Variants in LRP1B observed in about 807,000 individuals in gnomAD.
LRP1B encodes LDL receptor related protein 1B.
In LRP1B, 217 loss-of-function variants were observed where a neutral mutation model predicts 556.6. The ratio of observed to expected loss-of-function variants is 0.39; its 90% CI spans 0.35 to 0.44. The LOEUF is 0.44. Ranked by LOEUF, LRP1B falls within the 20% of genes least tolerant of loss-of-function variation. The pLI is 1.00. For missense variants in LRP1B, 5,053 were observed against 5,620.8 expected (o/e 0.90, Z 3.23); for synonymous variants, 2,047 against 1,865.8 (o/e 1.10, Z -2.50).
chr2:140,637,686 C>T (rs540602670), intron 41 of LRP1B, among the ~76,000 whole-genome samples: 9 of 152,214 alleles, frequency 5.9e-5, no homozygotes, highest in Middle Eastern at 3.4e-3. Flanking sequence ...GACACCAGAA[C>T]CTGCTGCAGT....
At chr2:140,917,279 C>T (rs537182627) in intron 21 of LRP1B, among the ~76,000 whole-genome samples, 1 of 152,266 alleles carries the variant, frequency 6.6e-6, no homozygotes, top group East Asian at 1.9e-4. Context: ...CTTTGAAAGA[C>T]AGTGCAGCCA....
chr2:140,268,244 A>C (rs1457677599), intron 86 of LRP1B, among the ~76,000 whole-genome samples: 1 of 151,924 alleles, frequency 6.6e-6, no homozygotes, highest in Non-Finnish European at 1.5e-5. Context: ...TGTTCTCTTC[A>C]TTCTTTTCTC....
intron 32 of LRP1B, among the ~76,000 whole-genome samples, chr2:140,793,669 A>G (rs1050547797): frequency 2.0e-5 from 3 of 152,032 alleles, no homozygotes; most frequent in Non-Finnish European, 4.4e-5. Flanking sequence ...GATATGATAT[A>G]TTCACTTAAA....
rs1368710800 is a variant in LRP1B, at chr2:140,922,967, G to C, written c.3317C>G (p.Thr1106Arg). The change falls in exon 21 of 91, where the codon ACA becomes AGA. Residue 1106 changes from threonine (T) to arginine (R), a missense_variant and splice_region_variant. Physicochemically the swap from Thr to Arg is moderately conservative, Grantham distance 71. Coordinates refer to ENST00000389484, the MANE Select transcript of LRP1B (RefSeq NM_018557.3). ...AGCCAAAAGCAATGTTCACTTACCT[G>C]TACTCCAACAGGAAAACTTGGTTTT... ...DHKTKFSCWSTGRCINKAWVC... is the reference protein window; with the variant it reads ...DHKTKFSCWSRGRCINKAWVC... 6.2e-7 allele frequency: 1 copy of C among 1,612,002 alleles called. No individual in the cohort carries two copies. Among genetic ancestry groups the C allele is most frequent in the East Asian group, 2.2e-5 (1 of 44,822 alleles).
At chr2:142,035,610 T>C (rs999917308) in intron 1 of LRP1B, among the ~76,000 whole-genome samples, 1 of 151,706 alleles carries the variant, frequency 6.6e-6, no homozygotes, top group Admixed American at 6.6e-5. Context: ...GAGTTTTGTT[T>C]CCGTCCATTC....
At chr2:140,825,136 A>T (rs1264110577) in intron 31 of LRP1B, among the ~76,000 whole-genome samples, 2 of 152,220 alleles carry the variant, frequency 1.3e-5, no homozygotes, top group Non-Finnish European at 2.9e-5. Flanking sequence ...GCCTGGTCAC[A>T]GAGGTCAGGG....
At chr2:141,336,949 C>A (rs1687869136) in intron 3 of LRP1B, among the ~76,000 whole-genome samples, 1 of 152,080 alleles carries the variant, frequency 6.6e-6, no homozygotes, top group Non-Finnish European at 1.5e-5. Context: ...CATTGAAGGG[C>A]ATTTGGCTTA....
chr2:140,852,220 A>G (rs1332742506), intron 27 of LRP1B, among the ~76,000 whole-genome samples: 1 of 152,114 alleles, frequency 6.6e-6, no homozygotes, highest in Non-Finnish European at 1.5e-5. Context: ...CCAGCTAGTC[A>G]GGAGGCTGAG....
At chr2:140,960,247 T>G (rs551875798) in intron 18 of LRP1B, among the ~76,000 whole-genome samples, 3 of 151,874 alleles carry the variant, frequency 2.0e-5, no homozygotes, top group African/African-American at 7.2e-5. Context: ...TGGATCAGAC[T>G]TAACTTTGAT....
intron 31 of LRP1B, among the ~76,000 whole-genome samples, chr2:140,836,734 A>G (rs1691916962): frequency 6.6e-6 from 1 of 152,170 alleles, no homozygotes; most frequent in Non-Finnish European, 1.5e-5. Flanking sequence ...ATTGCTGAGG[A>G]GCATCCATAT....
At chr2:140,410,346 T>C (rs1684920236) in intron 66 of LRP1B, among the ~76,000 whole-genome samples, 1 of 152,028 alleles carries the variant, frequency 6.6e-6, no homozygotes, top group South Asian at 2.1e-4. Flanking sequence ...CAACAAAGTA[T>C]TGATTTTTTT....
At chr2:140,466,582 T>C (rs1457063893) in intron 60 of LRP1B, among the ~76,000 whole-genome samples, 1 of 152,136 alleles carries the variant, frequency 6.6e-6, no homozygotes, top group Admixed American at 6.5e-5. Context: ...TATAAAAGAG[T>C]TCAGTGGTAA....
At chr2:142,056,664 G>C (rs770591206) in intron 1 of LRP1B, among the ~76,000 whole-genome samples, 2 of 152,092 alleles carry the variant, frequency 1.3e-5, no homozygotes, top group East Asian at 3.9e-4. Context: ...AACTCTGATA[G>C]AATCAAATTT....
chr2:140,741,011 C>A (rs1276602540), intron 35 of LRP1B, among the ~76,000 whole-genome samples: 1 of 152,126 alleles, frequency 6.6e-6, no homozygotes, highest in Non-Finnish European at 1.5e-5. Flanking sequence ...TCATGCCTCT[C>A]AGAGATTATT....
At chr2:140,951,218 C>T (rs1695705355) in intron 19 of LRP1B, among the ~76,000 whole-genome samples, 1 of 152,114 alleles carries the variant, frequency 6.6e-6, no homozygotes, top group South Asian at 2.1e-4. Context: ...CTCTTTACCC[C>T]TCCTCCTTGG....
chr2:140,267,910 G>T lies in LRP1B; in HGVS notation c.13247+2332C>A, dbSNP rs996897243. ...GCCAATTATCATTTTTAAATTGTAT[G>T]ATTTTGATGATACTTGGTAAGAGCA... On this transcript the variant is annotated intron_variant, in intron 86 of 90. Transcript: ENST00000389484. 2.7e-5 allele frequency among the ~76,000 whole-genome samples: 4 copies of T among 150,750 alleles called. No homozygotes were observed. In the Admixed American group the frequency reaches 2.7e-4, roughly 10 times the overall value.
intron 32 of LRP1B, among the ~76,000 whole-genome samples, chr2:140,792,329 A>G (rs1324405314): frequency 6.6e-6 from 1 of 152,160 alleles, no homozygotes; most frequent in East Asian, 1.9e-4. Context: ...CTAAGAGGGT[A>G]GAGGAAAAGT....
chr2:140,403,956 G>A (rs1221051904), intron 66 of LRP1B, among the ~76,000 whole-genome samples: 1 of 152,046 alleles, frequency 6.6e-6, no homozygotes, highest in Non-Finnish European at 1.5e-5. Flanking sequence ...AAGAGATTTG[G>A]GACCTATCTT....
chr2:141,244,703 T>C (rs921961237), intron 5 of LRP1B, among the ~76,000 whole-genome samples: 3 of 152,154 alleles, frequency 2.0e-5, no homozygotes, highest in Non-Finnish European at 2.9e-5. Flanking sequence ...AAACTAAAGC[T>C]AAACAGGCAG....
Sources: allele counts gnomAD v4.1 joint callset (sites outside exome capture counted in the v4.1 genomes callset), GRCh38; gene constraint gnomAD v4.1.1; transcripts MANE v1.5; gene names NCBI Gene and HGNC (gene_info 2026-07-23, HGNC 2026-07-21).